Variants in OR56B4 observed in about 807,000 individuals in gnomAD.
OR56B4 encodes the protein olfactory receptor family 56 subfamily B member 4.
For missense variants in OR56B4, 447 were observed against 384.6 expected, an observed-to-expected ratio of 1.16 and a Z score of -1.36; for synonymous variants, 142 against 149.5, an observed-to-expected ratio of 0.95 and a Z score of 0.37.
Position 6,108,078 on chromosome 11 carries a change from C to A in OR56B4, c.300C>A (p.Leu100=), listed in dbSNP as rs1849024377. Residue 100 remains leucine (L), a synonymous_variant, in exon 1 of 1, where the codon CTC becomes CTA. Transcript: ENST00000316529. ...GGTTTGATGCCAAGGCCATTAGCCT[C>A]CCCATGTGTTTTGCTCAGATCTATG... ...IFWFDAKAIS[L]PMCFAQIYAI... 2 of 1,614,112 alleles carry A rather than the reference C, an allele frequency of 1.2e-6. No individual in the cohort carries two copies. Among genetic ancestry groups the A allele is most frequent in the East Asian group, 4.5e-5 (2 of 44,880 alleles).
At position 6,108,708 on chromosome 11, in the gene OR56B4, G is replaced by A; in HGVS notation, c.930G>A (p.Leu310=). ...MHKLRLGFQR[L]LGLGQDVSK ...AACTCAGACTGGGCTTTCAGAGACT[G>A]CTTGGACTGGGTCAGGACGTGTCCA... Residue 310 remains leucine, a synonymous_variant, in exon 1 of 1, where the codon CTG becomes CTA. Transcript: ENST00000316529. The A allele has an allele frequency of 6.2e-7, 1 of 1,614,098 alleles. No homozygotes were observed. Among genetic ancestry groups the A allele is most frequent in the South Asian group, 1.1e-5 (1 of 91,074 alleles).
rs772357495 is a variant in OR56B4 at position 6,108,318 on chromosome 11, C to G, written c.540C>G (p.Ile180Met). ...AQRHYCSRNE[I>M]EHCLCSNLGV... The stretch of plus-strand genomic sequence containing the variant: ...GACACTACTGTTCCAGGAATGAAAT[C>G]GAGCACTGCCTCTGCTCTAACTTGG... Residue 180 changes from isoleucine (I) to methionine (M), a missense_variant, in exon 1 of 1, where the codon ATC becomes ATG. Transcript: ENST00000316529. The G allele has an allele frequency of 1.2e-6, 2 of 1,614,182 alleles. No homozygotes were observed. Among genetic ancestry groups the G allele is most frequent in the South Asian group, 2.2e-5 (2 of 91,082 alleles).
In OR56B4 at chr11:6,108,830, C is replaced by T. The variant is rs1490742064; in HGVS notation, c.*92C>T. 5.9e-6 allele frequency: 7 copies of T among 1,189,678 alleles called. No homozygotes were observed. The highest frequency in any genetic ancestry group is 8.3e-6 in the Non-Finnish European group (7 of 843,120). 73.7% of individuals were successfully genotyped at this position (1,189,678 alleles called of 1,614,324 possible). A position where few individuals can be genotyped will look rare whatever the true frequency, so the allele number is the denominator to read the frequency against. On this transcript the variant is annotated 3_prime_UTR_variant, in exon 1 of 1. Transcript: ENST00000316529. ...GTTATAATCTGCACTTACCACACTC[C>T]CTAGGAAAAAAATGGCCAATAAAAT...
chr11:6,107,867 A>G lies in OR56B4; in HGVS notation c.89A>G (p.Gln30Arg). The part of the protein sequence containing the change: ...LMGLPGIHEW[Q>R]HWLSLPLTLL... The stretch of plus-strand genomic sequence containing the variant: ...GGATTACCAGGCATTCATGAGTGGC[A>G]GCACTGGCTCTCCCTGCCCCTGACT... Residue 30 changes from glutamine to arginine, a missense_variant, in exon 1 of 1, where the codon CAG becomes CGG. Gln to Arg is a conservative substitution (Grantham distance 43, BLOSUM62 1). Transcript: ENST00000316529. 1 of 1,614,158 alleles carries G rather than the reference A, an allele frequency of 6.2e-7. No individual in the cohort carries two copies. Among genetic ancestry groups the G allele is most frequent in the East Asian group, 2.2e-5 (1 of 44,882 alleles).
At position 6,108,715 on chromosome 11, in the gene OR56B4, CTGGGTCAGGACG is replaced by C. The variant is rs1564832498; in HGVS notation, c.940_951del (p.Gly314_Val317del). 9 of 1,614,084 alleles carry C rather than the reference CTGGGTCAGGACG, an allele frequency of 5.6e-6. No homozygotes were observed. Among genetic ancestry groups the C allele is most frequent in the Middle Eastern group, 1.6e-4 (1 of 6,062 alleles). ...ACTGGGCTTTCAGAGACTGCTTGGA[CTGGGTCAGGACG>C]TGTCCAAGTAACTCCAGCTTTAGGA... is the stretch of plus-strand genomic sequence containing the variant. On this transcript the variant is annotated inframe_deletion, in exon 1 of 1. Transcript: ENST00000316529.
In OR56B4 at chr11:6,108,419, G is replaced by C; in HGVS notation, c.641G>C (p.Gly214Ala). Residue 214 changes from glycine to alanine, a missense_variant, in exon 1 of 1, where the codon GGG becomes GCG. Coordinates refer to ENST00000316529, the MANE Select transcript of OR56B4 (RefSeq NM_001005181.2). ...CTGATGCTAGCATGGGTCTTGGTTGGGAGTGATATGGCTCTGGTATTTTCT... is the reference window on the plus strand; with the variant it reads ...CTGATGCTAGCATGGGTCTTGGTTGCGAGTGATATGGCTCTGGTATTTTCT... ...YQLMLAWVLV[G>A]SDMALVFSSY... is the part of the protein sequence containing the mutation. The C allele has an allele frequency of 6.2e-7, 1 of 1,614,038 alleles. No homozygotes were observed. The highest frequency in any genetic ancestry group is 1.1e-5 in the South Asian group (1 of 91,076).
Position 6,108,209 on chromosome 11 carries a change from A to T in OR56B4, c.431A>T (p.Lys144Ile). 1.9e-6 allele frequency: 3 copies of T among 1,614,138 alleles called. No individual in the cohort carries two copies. The highest frequency in any genetic ancestry group is 2.5e-6 in the Non-Finnish European group (3 of 1,180,034). ...CTTCAGTACCCCTCCATAGTCACTA[A>T]AGCTTTTGTCTTCAAAGCCACAGGG... The part of the protein sequence containing the change: ...RPLQYPSIVT[K>I]AFVFKATGFI... Residue 144 changes from lysine (K) to isoleucine (I), a missense_variant, in exon 1 of 1, where the codon AAA (lysine) becomes ATA (isoleucine). By Grantham distance (102) the Lys-to-Ile change is moderately radical. Coordinates refer to ENST00000316529, the MANE Select transcript of OR56B4 (RefSeq NM_001005181.2).
chr11:6,107,970 C>G lies in OR56B4; in HGVS notation c.192C>G (p.Pro64=), dbSNP rs747609738. The G allele has an allele frequency of 9.9e-6, 16 of 1,613,954 alleles. 1 individual carries two copies. Among genetic ancestry groups the G allele is most frequent in the Non-Finnish European group, 9.3e-6 (11 of 1,179,998 alleles). ...TIQHETVLHE[P]MYHLLGILAV... ...AACATGAGACCGTGCTACATGAACC[C>G]ATGTACCATTTGCTGGGCATATTAG... The change falls in exon 1 of 1, where the codon CCC becomes CCG. Residue 64 remains proline, a synonymous_variant. Coordinates refer to ENST00000316529, the MANE Select transcript of OR56B4 (RefSeq NM_001005181.2).
In OR56B4 at chr11:6,108,172, A is replaced by T; in HGVS notation, c.394A>T (p.Ile132Phe). 2 of 1,614,164 alleles carry T rather than the reference A, an allele frequency of 1.2e-6. No individual in the cohort carries two copies. Among genetic ancestry groups the T allele is most frequent in the Non-Finnish European group, 1.7e-6 (2 of 1,180,006 alleles). The change falls in exon 1 of 1, where the codon ATC becomes TTC. Residue 132 changes from isoleucine to phenylalanine, a missense_variant. Transcript: ENST00000316529. ...LCMAVDRYIA[I>F]CRPLQYPSIV... ...CATGGCAGTAGACAGATACATAGCC[A>T]TCTGTCGCCCTCTTCAGTACCCCTC... is the stretch of plus-strand genomic sequence containing the variant.
In OR56B4 at chr11:6,108,215, T is replaced by C. The variant is rs541610160; in HGVS notation, c.437T>C (p.Phe146Ser). 3 of 1,614,172 alleles carry C rather than the reference T, an allele frequency of 1.9e-6. No homozygotes were observed. In the South Asian group the frequency reaches 3.3e-5, roughly 18 times the overall value. The change falls in exon 1 of 1, where the codon TTT (phenylalanine) becomes TCT (serine). Residue 146 changes from phenylalanine (F) to serine (S), a missense_variant. Coordinates refer to ENST00000316529, the MANE Select transcript of OR56B4 (RefSeq NM_001005181.2). ...TACCCCTCCATAGTCACTAAAGCTT[T>C]TGTCTTCAAAGCCACAGGGTTCATC... ...LQYPSIVTKAFVFKATGFIML... is the reference protein window; with the variant it reads ...LQYPSIVTKASVFKATGFIML...
In OR56B4 at chr11:6,107,829, G is replaced by A. The variant is rs1477694529; in HGVS notation, c.51G>A (p.Gln17=). 6.2e-7 allele frequency: 1 copy of A among 1,613,928 alleles called. No homozygotes were observed. Among genetic ancestry groups the A allele is most frequent in the Admixed American group, 1.7e-5 (1 of 60,020 alleles). The change falls in exon 1 of 1, where the codon CAG becomes CAA. Residue 17 remains glutamine, a synonymous_variant. Transcript: ENST00000316529. The stretch of plus-strand genomic sequence containing the variant: ...ATGACTCCAGCCTCCAGATTTCCCA[G>A]TTCATCCTGATGGGATTACCAGGCA... The part of the protein sequence containing the change: ...VTYDSSLQIS[Q]FILMGLPGIH...
Position 6,108,300 on chromosome 11 carries a change from C to G in OR56B4, c.522C>G (p.Tyr174Ter). 19 of 1,614,210 alleles carry G rather than the reference C, an allele frequency of 1.2e-5. No homozygotes were observed. Among genetic ancestry groups the G allele is most frequent in the Non-Finnish European group, 1.6e-5 (19 of 1,180,020 alleles). The change falls in exon 1 of 1, where the codon TAC becomes TAG. Residue 174 changes from tyrosine (Y) to a stop codon, truncating the protein, a stop_gained. Transcript: ENST00000316529. LOFTEE classifies it low-confidence loss of function (END_TRUNC). ...PVPILAAQRHYCSRNEIEHCL... is the reference protein window; with the variant it reads ...PVPILAAQRH The stretch of plus-strand genomic sequence containing the variant: ...CTATACTGGCTGCCCAGAGACACTA[C>G]TGTTCCAGGAATGAAATCGAGCACT...
Position 6,108,191 on chromosome 11 carries a change from A to G in OR56B4, c.413A>G (p.Tyr138Cys). 6.2e-7 allele frequency: 1 copy of G among 1,613,948 alleles called. No individual in the cohort carries two copies. The highest frequency in any genetic ancestry group is 8.5e-7 in the Non-Finnish European group (1 of 1,179,938). The change falls in exon 1 of 1, where the codon TAC (tyrosine) becomes TGC (cysteine). Residue 138 changes from tyrosine (Y) to cysteine (C), a missense_variant. Physicochemically the swap from Tyr to Cys is radical, Grantham distance 194 (BLOSUM62 -2). Coordinates refer to ENST00000316529, the MANE Select transcript of OR56B4 (RefSeq NM_001005181.2). Reference protein sequence around the residue: ...RYIAICRPLQYPSIVTKAFVF... With the variant: ...RYIAICRPLQCPSIVTKAFVF... ...ATAGCCATCTGTCGCCCTCTTCAGT[A>G]CCCCTCCATAGTCACTAAAGCTTTT...
Position 6,108,613 on chromosome 11 carries a change from T to C in OR56B4, c.835T>C (p.Phe279Leu), listed in dbSNP as rs748438979. 4.3e-6 allele frequency: 7 copies of C among 1,614,030 alleles called. No homozygotes were observed. In the Admixed American group the frequency reaches 1.0e-4, roughly 23 times the overall value. Residue 279 changes from phenylalanine (F) to leucine (L), a missense_variant, in exon 1 of 1, where the codon TTC (phenylalanine) becomes CTC (leucine). Transcript: ENST00000316529. ...GAAAAAGATTCCCCTTATTCCTGTGTTCCTTAATGTGCTGCACAATGTCAT... is the reference window on the plus strand; with the variant it reads ...GAAAAAGATTCCCCTTATTCCTGTGCTCCTTAATGTGCTGCACAATGTCAT... ...AEKKIPLIPV[F>L]LNVLHNVIPP...
chr11:6,108,089 T>C lies in OR56B4; in HGVS notation c.311T>C (p.Phe104Ser), dbSNP rs1849024602. Residue 104 changes from phenylalanine (F) to serine (S), a missense_variant, in exon 1 of 1, where the codon TTT (phenylalanine) becomes TCT (serine). Physicochemically the swap from Phe to Ser is radical, Grantham distance 155. Coordinates refer to ENST00000316529, the MANE Select transcript of OR56B4 (RefSeq NM_001005181.2). Reference sequence around the variant, plus strand: ...AAGGCCATTAGCCTCCCCATGTGTTTTGCTCAGATCTATGCCATCCACTGC... The same window carrying C: ...AAGGCCATTAGCCTCCCCATGTGTTCTGCTCAGATCTATGCCATCCACTGC... ...DAKAISLPMC[F>S]AQIYAIHCFF... is the part of the protein sequence containing the mutation. 1.2e-6 allele frequency: 2 copies of C among 1,614,160 alleles called. No homozygotes were observed. Among genetic ancestry groups the C allele is most frequent in the East Asian group, 4.5e-5 (2 of 44,884 alleles).
At position 6,108,685 on chromosome 11, in the gene OR56B4, C is replaced by T. The variant is rs755157605; in HGVS notation, c.907C>T (p.Leu303Phe). ...GGCCTGTGCACTCAGGATGCACAAA[C>T]TCAGACTGGGCTTTCAGAGACTGCT... is the stretch of plus-strand genomic sequence containing the variant. ...PLACALRMHK[L>F]RLGFQRLLGL... The change falls in exon 1 of 1, where the codon CTC (leucine) becomes TTC (phenylalanine). Residue 303 changes from leucine (L) to phenylalanine (F), a missense_variant. Physicochemically the swap from Leu to Phe is conservative, Grantham distance 22 (BLOSUM62 0). Coordinates refer to ENST00000316529, the MANE Select transcript of OR56B4 (RefSeq NM_001005181.2). The T allele has an allele frequency of 2.5e-6, 4 of 1,614,034 alleles. No homozygotes were observed. The South Asian group carries it at 3.3e-5, about 13-fold the overall frequency.
chr11:6,108,395 T>C lies in OR56B4; in HGVS notation c.617T>C (p.Leu206Pro). Reference protein sequence around the residue: ...DDITVNKFYQLMLAWVLVGSD... With the variant: ...DDITVNKFYQPMLAWVLVGSD... ...ATCACTGTGAACAAATTTTACCAACTGATGCTAGCATGGGTCTTGGTTGGG... is the reference window on the plus strand; with the variant it reads ...ATCACTGTGAACAAATTTTACCAACCGATGCTAGCATGGGTCTTGGTTGGG... Residue 206 changes from leucine to proline, a missense_variant, in exon 1 of 1, where the codon CTG becomes CCG. Leu to Pro is a moderately conservative substitution (Grantham distance 98). Transcript: ENST00000316529. The C allele has an allele frequency of 1.9e-6, 3 of 1,614,160 alleles. No individual in the cohort carries two copies. The highest frequency in any genetic ancestry group is 2.2e-5 in the South Asian group (2 of 91,086).
chr11:6,108,234 G>T lies in OR56B4; in HGVS notation c.456G>T (p.Gly152=), dbSNP rs1456269100. 6.2e-7 allele frequency: 1 copy of T among 1,614,012 alleles called. No homozygotes were observed. Residue 152 remains glycine, a synonymous_variant, in exon 1 of 1, where the codon GGG becomes GGT. Coordinates refer to ENST00000316529, the MANE Select transcript of OR56B4 (RefSeq NM_001005181.2). The stretch of plus-strand genomic sequence containing the variant: ...AAGCTTTTGTCTTCAAAGCCACAGG[G>T]TTCATCATGCTCAGGAATGGCCTGT... The part of the protein sequence containing the change: ...VTKAFVFKAT[G]FIMLRNGLLT...
At position 6,108,820 on chromosome 11, in the gene OR56B4, T is replaced by TA. The variant is rs1849033116; in HGVS notation, c.*83dup. ...ATAGATCAGGGTTATAATCTGCACT[T>TA]ACCACACTCCCTAGGAAAAAAATGG... On this transcript the variant is annotated 3_prime_UTR_variant, in exon 1 of 1. Coordinates refer to ENST00000316529, the MANE Select transcript of OR56B4 (RefSeq NM_001005181.2). 7.7e-7 allele frequency: 1 copy of TA among 1,299,724 alleles called. No homozygotes were observed. Among genetic ancestry groups the TA allele is most frequent in the African/African-American group, 1.5e-5 (1 of 68,118 alleles). The allele number at this position is 1,299,724 out of a possible 1,614,324, so 80.5% of individuals were successfully genotyped here.
Sources: allele counts gnomAD v4.1 joint callset, GRCh38; gene constraint gnomAD v4.1.1; transcripts MANE v1.5; gene names NCBI Gene and HGNC (gene_info 2026-07-23, HGNC 2026-07-21).